The following ZFP1 variants were observed in gnomAD, a reference collection of about 807,000 sequenced individuals.
The protein encoded by ZFP1 is ZFP1 zinc finger protein.
In ZFP1, 32 loss-of-function variants were observed where a neutral mutation model predicts 38.5. That is an observed-to-expected ratio of 0.83 (90% confidence interval 0.63 to 1.12). The LOEUF is 1.12. Among genes scored for constraint, ZFP1 ranks in the 50% most tolerant of loss-of-function variants. ZFP1 has a pLI of 0.00. For missense variants in ZFP1, 616 were observed against 480.8 expected, an observed-to-expected ratio of 1.28 and a Z score of -2.63; for synonymous variants, 245 against 168.8, an observed-to-expected ratio of 1.45 and a Z score of -3.50.
At chr16:75,158,371 CA>C (rs2145529856) in intron 2 of ZFP1, among the ~76,000 whole-genome samples, 1 of 150,834 alleles carries the variant, frequency 6.6e-6, no homozygotes, top group South Asian at 2.1e-4. Flanking sequence ...TTTTTTGAGA[CA>C]GGATCTCTCT....
the ZFP1 span, among the ~76,000 whole-genome samples, chr16:75,135,219 A>AAAAAAAAAAAAAAAC: frequency 1.5e-4 from 3 of 19,968 alleles, no homozygotes; most frequent in Non-Finnish European, 3.6e-4. Context: ...CAAAAAAAAA[A>AAAAAAAAAAAAAAAC]AAAAAAAAAA....
upstream of ZFP1, among the ~76,000 whole-genome samples, chr16:75,144,792 A>C (rs2036925652): frequency 6.6e-6 from 1 of 152,162 alleles, no homozygotes; most frequent in African/African-American, 2.4e-5. Context: ...ATGGAATCAT[A>C]CAGTATTTGT....
At position 75,170,351 on chromosome 16, in the gene ZFP1, T is replaced by C; in HGVS notation, c.*17T>C. Reference sequence around the variant, plus strand: ...AAACCCTGAAACTCCAGCCAGGTCTTACTGTGGAAAACTCCTGCCAGAACT... The same window carrying C: ...AAACCCTGAAACTCCAGCCAGGTCTCACTGTGGAAAACTCCTGCCAGAACT... On this transcript the variant is annotated 3_prime_UTR_variant, in exon 4 of 4. Transcript: ENST00000570010. 1.3e-6 allele frequency: 2 copies of C among 1,547,962 alleles called. No individual in the cohort carries two copies. The highest frequency in any genetic ancestry group is 1.7e-6 in the Non-Finnish European group (2 of 1,148,048).
chr16:75,140,168 T>C, the ZFP1 span, among the ~76,000 whole-genome samples: 4 of 151,954 alleles, frequency 2.6e-5, no homozygotes, highest in Non-Finnish European at 5.9e-5. Flanking sequence ...CTCAGGAGGC[T>C]GAGGCAGGAG....
At chr16:75,165,097 G>T (rs566367870) in intron 2 of ZFP1, among the ~76,000 whole-genome samples, 1 of 151,858 alleles carries the variant, frequency 6.6e-6, no homozygotes, top group East Asian at 1.9e-4. Flanking sequence ...GAACCATCGC[G>T]CCCGGCCTCC....
At chr16:75,136,001 A>C in the ZFP1 span, among the ~76,000 whole-genome samples, 1 of 152,136 alleles carries the variant, frequency 6.6e-6, no homozygotes, top group Non-Finnish European at 1.5e-5. Flanking sequence ...TTTTTAGTAG[A>C]GATGGGTTTT....
At chr16:75,129,832 G>A in the ZFP1 span, among the ~76,000 whole-genome samples, 4 of 152,126 alleles carry the variant, frequency 2.6e-5, no homozygotes, top group African/African-American at 4.8e-5. Context: ...GGTTCACAGA[G>A]GCATAAGGCA....
chr16:75,125,690 T>C, the ZFP1 span, among the ~76,000 whole-genome samples: 2 of 152,118 alleles, frequency 1.3e-5, no homozygotes, highest in African/African-American at 4.8e-5. Flanking sequence ...AAAACAAATT[T>C]AATTGGCTTC....
chr16:75,130,161 T>C, the ZFP1 span, among the ~76,000 whole-genome samples: 3 of 151,914 alleles, frequency 2.0e-5, no homozygotes. Flanking sequence ...CTACCACACC[T>C]GGCTAAGTTT....
At chr16:75,133,315 T>G in the ZFP1 span, among the ~76,000 whole-genome samples, 488 of 152,198 alleles carry the variant, frequency 3.2e-3, 7 homozygotes, top group African/African-American at 0.011. Flanking sequence ...ATGCGCAGAT[T>G]TGTTACATAG....
chr16:75,158,977 A>G (rs946643879), intron 2 of ZFP1, among the ~76,000 whole-genome samples: 2 of 148,994 alleles, frequency 1.3e-5, no homozygotes, highest in South Asian at 2.1e-4. Flanking sequence ...ATTCACTGCA[A>G]CCTCTGCCTC....
chr16:75,147,214 C>G (rs567486516), upstream of ZFP1, among the ~76,000 whole-genome samples: 2 of 152,220 alleles, frequency 1.3e-5, no homozygotes, highest in South Asian at 4.1e-4. Flanking sequence ...AGGCATTTGT[C>G]AAGACCCATA....
the ZFP1 span, among the ~76,000 whole-genome samples, chr16:75,137,751 C>T: frequency 6.6e-6 from 1 of 152,032 alleles, no homozygotes; most frequent in Non-Finnish European, 1.5e-5. Flanking sequence ...CAGGCATGAG[C>T]CAACACGCCC....
intron 3 of ZFP1, among the ~76,000 whole-genome samples, chr16:75,167,550 T>C (rs913740962): frequency 6.6e-6 from 1 of 152,196 alleles, no homozygotes; most frequent in Non-Finnish European, 1.5e-5. Context: ...TCCATGTCTT[T>C]GCTATTATGC....
chr16:75,140,234 C>G, the ZFP1 span, among the ~76,000 whole-genome samples: 1 of 151,374 alleles, frequency 6.6e-6, no homozygotes, highest in East Asian at 1.9e-4. Context: ...CGCCATTGCA[C>G]TCCAGCCTGG....
the ZFP1 span, among the ~76,000 whole-genome samples, chr16:75,124,863 G>GGTTT: frequency 7.8e-6 from 1 of 127,646 alleles, no homozygotes; most frequent in African/African-American, 3.0e-5. Flanking sequence ...AAATAAAGAG[G>GGTTT]TTTTTTTTTT....
Position 75,151,930 on chromosome 16 carries a change from C to G in ZFP1, c.-43-979C>G, listed in dbSNP as rs1431274970. Reference sequence around the variant, plus strand: ...TGAAAAAGGTTTTTTACTTCATTATCATTTTTGAAAGATATTTTTGCTGGG... The same window carrying G: ...TGAAAAAGGTTTTTTACTTCATTATGATTTTTGAAAGATATTTTTGCTGGG... On this transcript the variant is annotated intron_variant, in intron 1 of 3. Transcript: ENST00000570010. 5.3e-5 allele frequency among the ~76,000 whole-genome samples: 8 copies of G among 152,124 alleles called. No individual in the cohort carries two copies. The East Asian group carries it at 1.5e-3, about 29-fold the overall frequency.
the ZFP1 span, among the ~76,000 whole-genome samples, chr16:75,139,397 C>CAAAA: frequency 1.5e-5 from 1 of 65,730 alleles, no homozygotes; most frequent in African/African-American, 7.6e-5. Context: ...AAAAAAAAAA[C>CAAAA]ACCGTCAGAG....
intron 2 of ZFP1, among the ~76,000 whole-genome samples, chr16:75,157,993 G>A (rs1410495797): frequency 6.6e-6 from 1 of 151,744 alleles, no homozygotes; most frequent in Non-Finnish European, 1.5e-5. Flanking sequence ...TCGCCAGGTT[G>A]CCCAGGCTGG....
Sources: gnomAD v4.1 joint callset for allele counts (sites outside exome capture counted in the v4.1 genomes callset) on GRCh38, gnomAD v4.1.1 for gene constraint, MANE v1.5 for transcripts, NCBI Gene and HGNC (gene_info 2026-07-23, HGNC 2026-07-21) for gene names.